The following MAGI2 variants were observed in gnomAD, a reference collection of about 807,000 sequenced individuals.
The protein encoded by MAGI2 is membrane associated guanylate kinase, WW and PDZ domain containing 2.
MAGI2 carries 35 observed loss-of-function variants against 133.3 expected under a neutral mutation model. The observed-to-expected ratio is 0.26, with a 90% CI of 0.20 to 0.35. The LOEUF is 0.35. MAGI2 is among the 10% of genes least tolerant of loss of function. The pLI is 1.00. For missense variants in MAGI2, 1,636 were observed against 1,863.4 expected (o/e 0.88, Z 2.25); for synonymous variants, 729 against 710.6 (o/e 1.03, Z -0.41).
intron 2 of MAGI2, among the ~76,000 whole-genome samples, chr7:78,972,863 T>C (rs1315150890): frequency 6.6e-6 from 1 of 151,716 alleles, no homozygotes; most frequent in Non-Finnish European, 1.5e-5. Context: ...ATATGCTTAT[T>C]TTGGGAGGTA....
chr7:78,897,673 C>A (rs1489560655), intron 2 of MAGI2, among the ~76,000 whole-genome samples: 1 of 152,074 alleles, frequency 6.6e-6, no homozygotes. Context: ...TGAAGAATGC[C>A]ACTGGTAGTT....
In MAGI2 at chr7:78,641,053, G is replaced by C. The variant is rs1382399481; in HGVS notation, c.419-13814C>G. ...TTTATAAGATGCTTCCCTGTTTGCT[G>C]GTCACTCATTATTCTCCTTGCTGCC... On this transcript the variant is annotated intron_variant, in intron 2 of 21. Transcript: ENST00000354212. 2.6e-5 allele frequency among the ~76,000 whole-genome samples: 4 copies of C among 152,094 alleles called. No individual in the cohort carries two copies. In the East Asian group the frequency reaches 5.8e-4, roughly 22 times the overall value.
At chr7:78,200,959 ATTGTTT>A (rs1829196284) in intron 11 of MAGI2, among the ~76,000 whole-genome samples, 197 bp downstream of exon 11, 2 of 152,184 alleles carry the variant, frequency 1.3e-5, no homozygotes, top group Non-Finnish European at 1.5e-5. Flanking sequence ...AAAGGGCAGA[ATTGTTT>A]TTATAGGAAG....
intron 2 of MAGI2, among the ~76,000 whole-genome samples, chr7:78,795,486 G>C (rs1787529725): frequency 6.6e-6 from 1 of 151,926 alleles, no homozygotes; most frequent in Non-Finnish European, 1.5e-5. Flanking sequence ...GAATAAACTT[G>C]AGAAGTGACA....
At position 78,521,846 on chromosome 7, in the gene MAGI2, G is replaced by A. The variant is rs548859021; in HGVS notation, c.539-201C>T. Reference sequence around the variant, plus strand: ...TTTATTTGTTCCTTCTGTTGCGTTGGACTTTAATGCTTAGAGATATAGATC... The same window carrying A: ...TTTATTTGTTCCTTCTGTTGCGTTGAACTTTAATGCTTAGAGATATAGATC... On this transcript the variant is annotated intron_variant, in intron 3 of 21. Transcript: ENST00000354212. Among the ~76,000 whole-genome samples, 213 of 151,738 alleles carry A rather than the reference G, an allele frequency of 1.4e-3. 1 individual carries two copies. Among genetic ancestry groups the A allele is most frequent in the African/African-American group, 4.9e-3 (202 of 41,350 alleles).
At chr7:78,700,796 C>T (rs938718025) in intron 2 of MAGI2, among the ~76,000 whole-genome samples, 4 of 151,866 alleles carry the variant, frequency 2.6e-5, no homozygotes, top group African/African-American at 2.4e-5. Context: ...CTCATCGTGA[C>T]ACTTTTCAAC....
chr7:78,576,512 C>T (rs1191497148), intron 3 of MAGI2, among the ~76,000 whole-genome samples: 4 of 151,140 alleles, frequency 2.6e-5, no homozygotes, highest in Admixed American at 6.6e-5. Flanking sequence ...TAAACCAGAA[C>T]TCCCCTCTCC....
chr7:78,185,483 G>A (rs1193306389), intron 13 of MAGI2, 146 bp downstream of exon 13: 1 of 489,358 alleles, frequency 2.0e-6, no homozygotes, highest in Non-Finnish European at 3.5e-6. Context: ...GAGACTTGCT[G>A]TCTACCTTGA....
chr7:78,777,081 C>G (rs534889894), intron 2 of MAGI2, among the ~76,000 whole-genome samples: 1 of 152,094 alleles, frequency 6.6e-6, no homozygotes, highest in Non-Finnish European at 1.5e-5. Flanking sequence ...AAGTGTACTG[C>G]TCTACTTGAA....
At chr7:78,862,215 C>A (rs1794205898) in intron 2 of MAGI2, among the ~76,000 whole-genome samples, 1 of 152,144 alleles carries the variant, frequency 6.6e-6, no homozygotes, top group African/African-American at 2.4e-5. Flanking sequence ...CTCTCTTTTA[C>A]AACAGAGTGC....
intron 2 of MAGI2, among the ~76,000 whole-genome samples, chr7:78,765,499 C>A (rs1162893781): frequency 6.6e-6 from 1 of 151,956 alleles, no homozygotes; most frequent in Non-Finnish European, 1.5e-5. Flanking sequence ...CAGGTGTCCA[C>A]TACCACACCC....
At chr7:78,305,819 T>G (rs1798205893) in intron 9 of MAGI2, among the ~76,000 whole-genome samples, 2 of 152,188 alleles carry the variant, frequency 1.3e-5, no homozygotes, top group African/African-American at 4.8e-5. Context: ...AAGACAATTA[T>G]GAGCTTTAGT....
chr7:78,852,690 A>T (rs1361200716), intron 2 of MAGI2, among the ~76,000 whole-genome samples: 2 of 152,142 alleles, frequency 1.3e-5, no homozygotes. Context: ...TATATGCATG[A>T]TAAATTTTTC....
chr7:78,102,873 G>A (rs1333644220), intron 20 of MAGI2, among the ~76,000 whole-genome samples: 4 of 152,302 alleles, frequency 2.6e-5, no homozygotes, highest in South Asian at 2.1e-4. Context: ...GGTACGCAGC[G>A]TTCTGCTGAT....
At chr7:78,352,574 T>C (rs1025001365) in intron 7 of MAGI2, among the ~76,000 whole-genome samples, 1 of 152,190 alleles carries the variant, frequency 6.6e-6, no homozygotes, top group African/African-American at 2.4e-5. Context: ...AATGGGAAGA[T>C]TGAGTCATTC....
chr7:78,287,562 T>G (rs1584729803), intron 9 of MAGI2, among the ~76,000 whole-genome samples: 1 of 152,250 alleles, frequency 6.6e-6, no homozygotes, highest in East Asian at 1.9e-4. Context: ...ATAAGTAGTA[T>G]TAGCTTTCAA....
chr7:78,460,137 C>T (rs1366830013), intron 6 of MAGI2, among the ~76,000 whole-genome samples: 2 of 152,216 alleles, frequency 1.3e-5, no homozygotes, highest in African/African-American at 4.8e-5. Flanking sequence ...TGTGATCATA[C>T]TTATTCTTCC....
chr7:79,409,933 T>C (rs1030066684), intron 1 of MAGI2: 8 of 152,148 alleles, frequency 5.3e-5, no homozygotes, highest in Non-Finnish European at 1.2e-4. Context: ...TGACATATGT[T>C]AGACATGGCC....
At chr7:78,070,553 T>A (rs1814528645) in intron 21 of MAGI2, among the ~76,000 whole-genome samples, 1 of 102,850 alleles carries the variant, frequency 9.7e-6, no homozygotes, top group Non-Finnish European at 2.0e-5. Flanking sequence ...TATATATGTG[T>A]ATATATGTAT....
Sources: gnomAD v4.1 joint callset for allele counts (sites outside exome capture counted in the v4.1 genomes callset) on GRCh38, gnomAD v4.1.1 for gene constraint, MANE v1.5 for transcripts, NCBI Gene and HGNC (gene_info 2026-07-23, HGNC 2026-07-21) for gene names.